The following NHSL2 variants were observed in gnomAD, a reference collection of about 807,000 sequenced individuals.
NHSL2 encodes the protein NHS-like protein 2.
In NHSL2, 27 loss-of-function variants were observed where a neutral mutation model predicts 53.4. The ratio of observed to expected loss-of-function variants is 0.51; its 90% confidence interval spans 0.37 to 0.70. NHSL2 has a LOEUF of 0.70. Among genes scored for constraint, NHSL2 ranks in the 30% least tolerant of loss-of-function variants. NHSL2 has a pLI of 0.00. For missense variants in NHSL2, 892 were observed against 980.1 expected (o/e 0.91, Z 1.20); for synonymous variants, 408 against 404.1 (o/e 1.01, Z -0.12).
chrX:72,022,744 C>T (rs998172526), intron 1 of NHSL2, among the ~76,000 whole-genome samples: 3 of 111,552 alleles, frequency 2.7e-5, no homozygotes, highest in East Asian at 2.8e-4. Flanking sequence ...TCCTAGAGAC[C>T]GTATCTGGTT....
chrX:71,948,929 C>CT (rs774047424), intron 1 of NHSL2, among the ~76,000 whole-genome samples: 1,423 of 102,055 alleles, frequency 0.014, 30 homozygotes, highest in African/African-American at 0.048. Context: ...AATTTTTGTA[C>CT]TTTTTTTTTG....
intron 1 of NHSL2, among the ~76,000 whole-genome samples, chrX:71,967,641 G>A (rs182085854): frequency 9.0e-6 from 1 of 111,589 alleles, no homozygotes; most frequent in East Asian, 2.8e-4. Flanking sequence ...TGTAGTCTGA[G>A]AGCAGACATT....
At chrX:71,934,067 C>T (rs2041726330) in intron 1 of NHSL2, among the ~76,000 whole-genome samples, 1 of 110,809 alleles carries the variant, frequency 9.0e-6, no homozygotes, top group African/African-American at 3.3e-5. Flanking sequence ...CCACCCCCAC[C>T]ATATTGACTT....
chrX:72,024,611 A>G (rs1188139655), intron 1 of NHSL2, among the ~76,000 whole-genome samples: 4 of 112,103 alleles, frequency 3.6e-5, no homozygotes, highest in Non-Finnish European at 7.5e-5. Context: ...ACATAGCTAA[A>G]GAACAAAAGA....
chrX:71,949,366 T>C (rs2041809328), intron 1 of NHSL2, among the ~76,000 whole-genome samples: 1 of 109,911 alleles, frequency 9.1e-6, no homozygotes, highest in African/African-American at 3.3e-5. Flanking sequence ...GAAGGGTGAA[T>C]AGGAGAACAT....
At chrX:71,942,598 A>G (rs1301441985) in intron 1 of NHSL2, among the ~76,000 whole-genome samples, 6 of 112,760 alleles carry the variant, frequency 5.3e-5, no homozygotes, top group African/African-American at 1.9e-4. Context: ...ACTAACATAC[A>G]AAACTGGTGG....
intron 1 of NHSL2, among the ~76,000 whole-genome samples, chrX:72,035,020 G>A (rs1438208024): frequency 9.0e-6 from 1 of 111,255 alleles, no homozygotes; most frequent in Non-Finnish European, 1.9e-5. Flanking sequence ...CTTTTCTAAT[G>A]TAAGGATTTG....
At chrX:72,054,682 T>C (rs1278340936) in intron 1 of NHSL2, among the ~76,000 whole-genome samples, 2 of 112,159 alleles carry the variant, frequency 1.8e-5, no homozygotes, top group Non-Finnish European at 3.8e-5. Flanking sequence ...TTTTAAATGA[T>C]GCTGCCAAAT....
At chrX:72,009,116 T>C (rs1329920457) in intron 1 of NHSL2, among the ~76,000 whole-genome samples, 1 of 112,329 alleles carries the variant, frequency 8.9e-6, no homozygotes, top group Non-Finnish European at 1.9e-5. Context: ...AGGTACATTG[T>C]ATTTGCTTTT....
chrX:72,134,441 C>A, intron 3 of NHSL2, 68 bp from the exon 4 acceptor site: 1 of 972,752 alleles, frequency 1.0e-6, no homozygotes, highest in Non-Finnish European at 1.4e-6. Context: ...GCCTAAACAG[C>A]CACCCTATGG....
chrX:72,005,766 T>C (rs141423519), intron 1 of NHSL2, among the ~76,000 whole-genome samples: 1 of 112,002 alleles, frequency 8.9e-6, no homozygotes, highest in Non-Finnish European at 1.9e-5. Flanking sequence ...AAGCCCATAA[T>C]GTAGCTGAGT....
chrX:72,085,309 C>T (rs1346865072), intron 1 of NHSL2, among the ~76,000 whole-genome samples: 1 of 112,323 alleles, frequency 8.9e-6, no homozygotes, highest in Non-Finnish European at 1.9e-5. Flanking sequence ...CCTAGCCCTG[C>T]AAGATAGCAA....
intron 1 of NHSL2, among the ~76,000 whole-genome samples, chrX:71,931,023 A>G (rs2041710386): frequency 1.8e-5 from 2 of 112,369 alleles, no homozygotes; most frequent in African/African-American, 6.5e-5. Flanking sequence ...TCAGCAATGT[A>G]CAAGGGTTCC....
intron 1 of NHSL2, among the ~76,000 whole-genome samples, chrX:71,967,688 T>C (rs2041907168): frequency 1.8e-5 from 2 of 111,760 alleles, no homozygotes; most frequent in Non-Finnish European, 1.9e-5. Flanking sequence ...TAAAAGTGTG[T>C]TTTATGGCCC....
chrX:72,090,196 T>C (rs984848949), intron 1 of NHSL2, among the ~76,000 whole-genome samples: 2 of 110,761 alleles, frequency 1.8e-5, no homozygotes, highest in African/African-American at 6.6e-5. Flanking sequence ...CCCAAGTAGC[T>C]GGGACCACAG....
chrX:72,112,778 C>G (rs1365538344), intron 1 of NHSL2, among the ~76,000 whole-genome samples: 1 of 111,403 alleles, frequency 9.0e-6, no homozygotes, highest in Non-Finnish European at 1.9e-5. Context: ...CAACTTCCAC[C>G]TCCTGGGTTC....
At chrX:72,132,582 C>T (rs2042317238) in intron 2 of NHSL2, among the ~76,000 whole-genome samples, 2 of 109,819 alleles carry the variant, frequency 1.8e-5, no homozygotes, top group South Asian at 8.1e-4. Context: ...CTTGCCACAT[C>T]GCCCATGCCT....
intron 1 of NHSL2, among the ~76,000 whole-genome samples, chrX:72,100,816 G>T (rs981592201): frequency 7.1e-5 from 8 of 112,281 alleles, no homozygotes; most frequent in African/African-American, 2.3e-4. Flanking sequence ...GTGCCAAAAA[G>T]GTTGGGGACT....
At chrX:71,980,561 GTGTGTGGGGTGTGTGT>G (rs2041972184) in intron 1 of NHSL2, among the ~76,000 whole-genome samples, 2 of 5,147 alleles carry the variant, frequency 3.9e-4, no homozygotes, top group South Asian at 0.033. Flanking sequence ...TGTGTGTGGG[GTGTGTGGGGTGTGTGT>G]GTGTGTGTGT....
Sources: allele counts gnomAD v4.1 joint callset (sites outside exome capture counted in the v4.1 genomes callset), GRCh38; gene constraint gnomAD v4.1.1; transcripts MANE v1.5; gene names NCBI Gene and HGNC (gene_info 2026-07-23, HGNC 2026-07-21).